The following TLN2 variants were observed in gnomAD, a reference collection of about 807,000 sequenced individuals.
The protein encoded by TLN2 is talin 2.
A neutral mutation model predicts 294.7 loss-of-function variants in TLN2; 118 were observed. The observed-to-expected ratio is 0.40, with a 90% CI of 0.34 to 0.47. TLN2 has a LOEUF of 0.47. TLN2 is among the 20% of genes least tolerant of loss of function. The pLI is 0.84. For synonymous variants in TLN2, 1,431 were observed against 1,304.5 expected (o/e 1.10, Z -2.09); for missense variants, 3,083 against 3,282.2 (o/e 0.94, Z 1.48).
At chr15:62,755,232 C>A in intron 36 of TLN2, 1 of 272,252 alleles carries the variant, frequency 3.7e-6, no homozygotes, top group Admixed American at 5.1e-5. Context: ...ATACCCTGGA[C>A]CTCCTATCTG....
At chr15:62,472,691 C>T (rs1340855274) in intron 1 of TLN2, among the ~76,000 whole-genome samples, 2 of 152,114 alleles carry the variant, frequency 1.3e-5, no homozygotes, top group African/African-American at 4.8e-5. Context: ...AGTGTGCCTT[C>T]CTTATTTGGT....
chr15:62,500,674 C>G (rs527781153), intron 1 of TLN2, among the ~76,000 whole-genome samples: 2 of 152,114 alleles, frequency 1.3e-5, no homozygotes, highest in African/African-American at 2.4e-5. Context: ...AGAAAAGACC[C>G]GAATATCTGC....
intron 1 of TLN2, among the ~76,000 whole-genome samples, chr15:62,581,121 C>G (rs895229745): frequency 3.9e-5 from 6 of 152,100 alleles, no homozygotes; most frequent in African/African-American, 1.4e-4. Context: ...CTCAAGTGAT[C>G]CGCCTGCCTT....
intron 45 of TLN2, among the ~76,000 whole-genome samples, chr15:62,792,195 A>C (rs1359947203): frequency 6.6e-6 from 1 of 152,196 alleles, no homozygotes; most frequent in East Asian, 1.9e-4. Flanking sequence ...TTGAACCTCT[A>C]ATTACCCTCT....
At chr15:62,622,942 G>T (rs181995434) in intron 3 of TLN2, among the ~76,000 whole-genome samples, 197 of 152,322 alleles carry the variant, frequency 1.3e-3, no homozygotes, top group Non-Finnish European at 2.4e-3. Flanking sequence ...GCCCATCGAT[G>T]TTGCCCATCA....
chr15:62,730,289 C>A (rs2060651942), intron 28 of TLN2, among the ~76,000 whole-genome samples: 1 of 152,128 alleles, frequency 6.6e-6, no homozygotes, highest in Admixed American at 6.5e-5. Flanking sequence ...ATCTGCCCTC[C>A]TCAGCCTCCC....
At chr15:62,651,391 T>C (rs569228091) in intron 5 of TLN2, among the ~76,000 whole-genome samples, 3 of 150,874 alleles carry the variant, frequency 2.0e-5, no homozygotes, top group East Asian at 1.9e-4. Flanking sequence ...GTGACAGATA[T>C]AGAATGTTCA....
At chr15:62,701,724 T>C (rs1182746929) in intron 17 of TLN2, among the ~76,000 whole-genome samples, 2 of 152,162 alleles carry the variant, frequency 1.3e-5, no homozygotes, top group Non-Finnish European at 2.9e-5. Context: ...AGGGGCCTAA[T>C]GAAAAGGGCT....
chr15:62,780,564 G>A (rs896511582), intron 43 of TLN2, among the ~76,000 whole-genome samples: 23 of 152,206 alleles, frequency 1.5e-4, no homozygotes, highest in Non-Finnish European at 1.2e-4. Context: ...CCACCCCACA[G>A]TGATCTTGCC....
intron 1 of TLN2, among the ~76,000 whole-genome samples, chr15:62,416,996 G>A (rs2034123012): frequency 6.6e-6 from 1 of 152,150 alleles, no homozygotes; most frequent in African/African-American, 2.4e-5. Flanking sequence ...GCCAGCAGTT[G>A]CCCAGTGGCT....
chr15:62,836,763 A>C (rs189138970), intron 57 of TLN2, among the ~76,000 whole-genome samples: 1 of 152,378 alleles, frequency 6.6e-6, no homozygotes, highest in East Asian at 1.9e-4. Context: ...ACACAGCCCC[A>C]ACATCTTCAT....
chr15:62,843,123 A>G lies in TLN2; in HGVS notation c.*2513A>G, dbSNP rs991648453. The G allele has an allele frequency of 6.6e-6, 1 of 152,186 alleles. No individual in the cohort carries two copies. Among genetic ancestry groups the G allele is most frequent in the East Asian group, 1.9e-4 (1 of 5,182 alleles). The allele number at this position is 152,186 out of a possible 1,614,324, so 9.4% of individuals were successfully genotyped here. Reference sequence around the variant, plus strand: ...ACACCTAATAAGAGAGTGGTGTCAGAGTAAAAACGGCCCCAGGTCTGGAGC... The same window carrying G: ...ACACCTAATAAGAGAGTGGTGTCAGGGTAAAAACGGCCCCAGGTCTGGAGC... On this transcript the variant is annotated 3_prime_UTR_variant, in exon 59 of 59. Transcript: ENST00000636159.
chr15:62,585,676 G>C (rs1257199486), intron 1 of TLN2, among the ~76,000 whole-genome samples: 1 of 152,166 alleles, frequency 6.6e-6, no homozygotes. Context: ...TGTTACTCTG[G>C]AGAAGGCTAC....
intron 1 of TLN2, among the ~76,000 whole-genome samples, chr15:62,402,044 C>A (rs1302775198): frequency 2.0e-5 from 3 of 152,154 alleles, no homozygotes; most frequent in African/African-American, 7.2e-5. Context: ...GGTCAAGAAC[C>A]CTTGCTCTAG....
intron 32 of TLN2, among the ~76,000 whole-genome samples, chr15:62,746,743 T>G (rs2061635962): frequency 6.6e-6 from 1 of 152,200 alleles, no homozygotes; most frequent in Non-Finnish European, 1.5e-5. Flanking sequence ...GCTGCAGTGG[T>G]TAGAAACTGA....
chr15:62,777,633 C>A (rs781269938), intron 43 of TLN2, among the ~76,000 whole-genome samples: 3 of 152,138 alleles, frequency 2.0e-5, no homozygotes, highest in African/African-American at 7.2e-5. Flanking sequence ...CACCCCCAAC[C>A]CACTCAATTG....
chr15:62,718,864 CT>C (rs1346912196), intron 24 of TLN2, among the ~76,000 whole-genome samples: 1 of 152,138 alleles, frequency 6.6e-6, no homozygotes, highest in African/African-American at 2.4e-5. Context: ...TTGAGTGTCA[CT>C]ACCAGGAAAT....
intron 1 of TLN2, among the ~76,000 whole-genome samples, chr15:62,529,686 TTATGTGTGTATTTTTAAGCACAAG>T (rs1485550669): frequency 6.6e-6 from 1 of 152,136 alleles, no homozygotes; most frequent in Non-Finnish European, 1.5e-5. Flanking sequence ...CCCTCATGGT[TTATGTGTGTATTTTTAAGCACAAG>T]TGATAGTATA....
At chr15:62,674,415 A>G (rs2055878910) in intron 10 of TLN2, among the ~76,000 whole-genome samples, 1 of 152,230 alleles carries the variant, frequency 6.6e-6, no homozygotes, top group Non-Finnish European at 1.5e-5. Context: ...AAATTAAAAT[A>G]CAAATTTCAT....
Sources: allele counts gnomAD v4.1 joint callset (sites outside exome capture counted in the v4.1 genomes callset), GRCh38; gene constraint gnomAD v4.1.1; transcripts MANE v1.5; gene names NCBI Gene and HGNC (gene_info 2026-07-23, HGNC 2026-07-21).